UBE3C: variants seen among roughly 807,000 people sequenced by gnomAD.
UBE3C encodes the protein ubiquitin protein ligase E3C, also known as ubiquitin-protein ligase E3C.
In UBE3C, 42 loss-of-function variants were observed where a neutral mutation model predicts 129.4. The observed-to-expected ratio is 0.32, with a 90% CI of 0.25 to 0.42. UBE3C has a LOEUF of 0.42. Ranked by LOEUF, UBE3C falls within the 10% of genes least tolerant of loss-of-function variation. The pLI is 1.00. For missense variants in UBE3C, 1,049 were observed against 1,319.1 expected (o/e 0.80, Z 3.17); for synonymous variants, 510 against 492.4 (o/e 1.04, Z -0.47).
chr7:157,201,932 A>G (rs1809297054), intron 11 of UBE3C, 125 bp downstream of exon 11: 2 of 740,508 alleles, frequency 2.7e-6, no homozygotes, highest in Admixed American at 2.9e-5. Flanking sequence ...TTAGAAGGTA[A>G]GTTCCAGATG....
intron 10 of UBE3C, among the ~76,000 whole-genome samples, chr7:157,190,159 C>G (rs1586675382): frequency 6.6e-6 from 1 of 152,268 alleles, no homozygotes; most frequent in South Asian, 2.1e-4. Flanking sequence ...GTGGCTTCAG[C>G]TACATTCTAG....
intron 1 of UBE3C, among the ~76,000 whole-genome samples, chr7:157,141,100 G>A (rs1807434525): frequency 6.6e-6 from 1 of 152,150 alleles, no homozygotes; most frequent in African/African-American, 2.4e-5. Flanking sequence ...GATGAGGGTG[G>A]GAGTGTGGCA....
intron 18 of UBE3C, among the ~76,000 whole-genome samples, chr7:157,240,449 A>G (rs1020711640): frequency 8.5e-5 from 13 of 152,238 alleles, no homozygotes; most frequent in Admixed American, 8.5e-4. Flanking sequence ...TAGGATTGCC[A>G]GTTAGTGTAG....
At chr7:157,164,057 C>T (rs1033813420) in intron 2 of UBE3C, among the ~76,000 whole-genome samples, 194 bp downstream of exon 2, 2 of 151,836 alleles carry the variant, frequency 1.3e-5, no homozygotes, top group Non-Finnish European at 2.9e-5. Flanking sequence ...AGGGCAGTTT[C>T]CAGACTGGAG....
chr7:157,170,231 G>T (rs372933304), intron 3 of UBE3C, 73 bp from the exon 4 acceptor site: 7 of 1,268,410 alleles, frequency 5.5e-6, no homozygotes, highest in Non-Finnish European at 6.1e-6. Context: ...ACACAGCAAC[G>T]TATATTTACA....
At chr7:157,205,248 A>G (rs1218515891) in intron 11 of UBE3C, among the ~76,000 whole-genome samples, 1 of 152,198 alleles carries the variant, frequency 6.6e-6, no homozygotes, top group Non-Finnish European at 1.5e-5. Flanking sequence ...AGTTTTTGTC[A>G]TTAAAGTAAA....
chr7:157,156,708 C>CT lies in UBE3C; in HGVS notation c.67-7097dup, dbSNP rs773149361. On this transcript the variant is annotated intron_variant, in intron 1 of 22. Transcript: ENST00000348165. ...ATCATATAGGTGTGTAAATTCCCTT[C>CT]TTTTTAAAAAAAAAAAAAAAAACAC... 3.1e-3 allele frequency among the ~76,000 whole-genome samples: 375 copies of CT among 119,988 alleles called. 1 individual carries two copies. The highest frequency in any genetic ancestry group is 4.0e-3 in the Non-Finnish European group (248 of 62,598). 78.7% of individuals were successfully genotyped at this position (119,988 alleles called of 152,430 possible).
chr7:157,253,029 G>T (rs1035608688), intron 19 of UBE3C, among the ~76,000 whole-genome samples: 1 of 152,110 alleles, frequency 6.6e-6, no homozygotes, highest in Non-Finnish European at 1.5e-5. Context: ...ACTATACCCG[G>T]CCTGTTTTTT....
chr7:157,153,873 G>C (rs1807827771), intron 1 of UBE3C, among the ~76,000 whole-genome samples: 1 of 151,908 alleles, frequency 6.6e-6, no homozygotes. Context: ...TGTACCTGTG[G>C]TTTCAGTTAC....
At chr7:157,196,989 C>G (rs1809139212) in intron 10 of UBE3C, among the ~76,000 whole-genome samples, 1 of 152,092 alleles carries the variant, frequency 6.6e-6, no homozygotes, top group African/African-American at 2.4e-5. Context: ...AATTGCTGAA[C>G]TTTATGTGTT....
Position 157,248,884 on chromosome 7 carries a change from G to A in UBE3C, c.2694+304G>A, listed in dbSNP as rs1168322860. 3.9e-5 allele frequency among the ~76,000 whole-genome samples: 6 copies of A among 152,132 alleles called. No individual in the cohort carries two copies. The East Asian group carries it at 1.2e-3, about 29-fold the overall frequency. On this transcript the variant is annotated intron_variant, in intron 19 of 22. Coordinates refer to ENST00000348165, the MANE Select transcript of UBE3C (RefSeq NM_014671.3). The stretch of plus-strand genomic sequence containing the variant: ...TCTGGCTCTTCCCGGTGCTGGGGGT[G>A]GCCGTTCAGCAGCTTCCCGGCAGGA...
At chr7:157,213,905 A>G (rs2117026306) in intron 13 of UBE3C, among the ~76,000 whole-genome samples, 1 of 152,358 alleles carries the variant, frequency 6.6e-6, no homozygotes, top group Admixed American at 6.5e-5. Context: ...AATATTGTGG[A>G]CATACTTTAA....
intron 14 of UBE3C, 78 bp downstream of exon 14, chr7:157,217,049 G>A (rs757032160): frequency 3.4e-6 from 4 of 1,177,744 alleles, no homozygotes; most frequent in South Asian, 2.8e-5. Context: ...GAAGAATTAA[G>A]CACTTTAAAA....
In UBE3C at chr7:157,231,229, A is replaced by G. The variant is rs1385200270; in HGVS notation, c.2383A>G (p.Thr795Ala). 3.1e-6 allele frequency: 5 copies of G among 1,614,084 alleles called. No individual in the cohort carries two copies. Among genetic ancestry groups the G allele is most frequent in the Non-Finnish European group, 4.2e-6 (5 of 1,180,056 alleles). Residue 795 changes from threonine (T) to alanine (A), a missense_variant, in exon 18 of 23, where the codon ACT becomes GCT. By Grantham distance (58) the Thr-to-Ala change is moderately conservative. Coordinates refer to ENST00000348165, the MANE Select transcript of UBE3C (RefSeq NM_014671.3). ...FNPNQGFFKTTNEGLLYPNPA... is the reference protein window; with the variant it reads ...FNPNQGFFKTANEGLLYPNPA... ...CCCCAACCAGGGGTTCTTTAAGACT[A>G]CTAATGAAGGGCTTCTGTACCCCAA...
intron 10 of UBE3C, chr7:157,198,457 G>A: frequency 2.0e-6 from 1 of 496,278 alleles, no homozygotes; most frequent in Non-Finnish European, 3.7e-6. Flanking sequence ...GGAGGCCACA[G>A]CCTGGAAGAT....
chr7:157,205,760 A>G lies in UBE3C; in HGVS notation c.1419-1638A>G, dbSNP rs373664428. On this transcript the variant is annotated intron_variant, in intron 11 of 22. Coordinates refer to ENST00000348165, the MANE Select transcript of UBE3C (RefSeq NM_014671.3). ...TCACAACTGCAAACATGGATCATGTATGCTCAGGTTGTGTAGCATGTGGAC... is the reference window on the plus strand; with the variant it reads ...TCACAACTGCAAACATGGATCATGTGTGCTCAGGTTGTGTAGCATGTGGAC... Among the ~76,000 whole-genome samples, 68 of 152,338 alleles carry G rather than the reference A, an allele frequency of 4.5e-4. 1 individual carries two copies. The highest frequency in any genetic ancestry group is 1.6e-3 in the African/African-American group (66 of 41,582).
intron 16 of UBE3C, among the ~76,000 whole-genome samples, chr7:157,224,904 T>C (rs34624032): frequency 5.3e-5 from 8 of 152,214 alleles, no homozygotes; most frequent in Non-Finnish European, 2.9e-5. Context: ...GTCAGAGATA[T>C]TTCTACTAGT....
intron 1 of UBE3C, among the ~76,000 whole-genome samples, chr7:157,155,522 C>T (rs1426452540): frequency 6.6e-6 from 1 of 152,058 alleles, no homozygotes; most frequent in Non-Finnish European, 1.5e-5. Context: ...TTGGAAGTTA[C>T]TTAAATTTAC....
intron 11 of UBE3C, 104 bp downstream of exon 11, chr7:157,201,911 C>T: frequency 2.2e-6 from 2 of 890,002 alleles, no homozygotes; most frequent in South Asian, 1.5e-5. Context: ...TTATACTGGG[C>T]TTATTTCATA....
Sources: gnomAD v4.1 joint callset for allele counts (sites outside exome capture counted in the v4.1 genomes callset) on GRCh38, gnomAD v4.1.1 for gene constraint, MANE v1.5 for transcripts, NCBI Gene and HGNC (gene_info 2026-07-23, HGNC 2026-07-21) for gene names.